The following RNF214 variants were observed in gnomAD, a reference collection of about 807,000 sequenced individuals.
The protein encoded by RNF214 is ring finger protein 214.
Under a neutral mutation model 75.9 loss-of-function variants are expected in RNF214, and 25 were observed. That is an observed-to-expected ratio of 0.33 (90% confidence interval 0.24 to 0.46). The LOEUF is 0.46. RNF214 is among the 20% of genes least tolerant of loss of function. The pLI is 1.00. For missense variants in RNF214, 725 were observed against 857.5 expected, an observed-to-expected ratio of 0.85 and a Z score of 1.93; for synonymous variants, 314 against 308.8, an observed-to-expected ratio of 1.02 and a Z score of -0.18.
intron 6 of RNF214, among the ~76,000 whole-genome samples, chr11:117,262,240 C>G (rs1264939425): frequency 6.6e-6 from 1 of 151,944 alleles, no homozygotes; most frequent in Non-Finnish European, 1.5e-5. Flanking sequence ...GCACCCGCCA[C>G]CACGCCCGGC....
At chr11:117,245,104 G>T (rs1285900337) in intron 5 of RNF214, among the ~76,000 whole-genome samples, 1 of 151,044 alleles carries the variant, frequency 6.6e-6, no homozygotes. Context: ...GGATCAGTTG[G>T]GTCCAGGAGT....
Position 117,281,710 on chromosome 11 carries a change from G to A in RNF214, c.1335+12G>A. On this transcript the variant is annotated intron_variant, in intron 10 of 14. Coordinates refer to ENST00000300650, the MANE Select transcript of RNF214 (RefSeq NM_207343.4). ...CACCCCCATCAGAGGTAAGAGAGTG[G>A]CTTTGGGGGGAAGTTCACCTTTCTG... 6.3e-7 allele frequency: 1 copy of A among 1,597,454 alleles called. No homozygotes were observed. The highest frequency in any genetic ancestry group is 8.6e-7 in the Non-Finnish European group (1 of 1,165,154).
intron 6 of RNF214, among the ~76,000 whole-genome samples, chr11:117,260,567 G>A (rs561401157): frequency 1.7e-4 from 25 of 150,438 alleles, no homozygotes; most frequent in Non-Finnish European, 8.9e-5. Flanking sequence ...CAGCACTTTG[G>A]GAGGTCAAAT....
intron 7 of RNF214, 51 bp from the exon 8 acceptor site, chr11:117,280,120 C>T: frequency 6.5e-7 from 1 of 1,527,054 alleles, no homozygotes; most frequent in African/African-American, 1.4e-5. Context: ...CTAGAGGTAC[C>T]TTTGTGTATG....
chr11:117,253,505 C>T (rs1254017368), intron 6 of RNF214, among the ~76,000 whole-genome samples: 4 of 152,134 alleles, frequency 2.6e-5, no homozygotes, highest in Admixed American at 2.6e-4. Flanking sequence ...CCTGTTAGTG[C>T]TCTTCCAGTG....
intron 6 of RNF214, among the ~76,000 whole-genome samples, chr11:117,272,312 A>G (rs868152659): frequency 6.6e-6 from 1 of 152,180 alleles, no homozygotes; most frequent in Non-Finnish European, 1.5e-5. Context: ...GTGTGTTAAT[A>G]TGGTTTAAGG....
chr11:117,239,654 C>T (rs1591817378), intron 3 of RNF214, 147 bp from the exon 4 acceptor site: 1 of 644,798 alleles, frequency 1.6e-6, no homozygotes, highest in East Asian at 2.8e-5. Context: ...GTCCGTTTGC[C>T]AGAACTACAT....
chr11:117,252,751 A>T lies in RNF214; in HGVS notation c.959+5803A>T, dbSNP rs1292861463. Among the ~76,000 whole-genome samples the T allele has an allele frequency of 2.6e-5, 4 of 151,218 alleles. No individual in the cohort carries two copies. In the East Asian group the frequency reaches 7.9e-4, roughly 30 times the overall value. ...TAGCCAGGATGGTCTCGCTCTCCTGACCTCCTGTTCCGCCCGCCTTGGCCT... is the reference window on the plus strand; with the variant it reads ...TAGCCAGGATGGTCTCGCTCTCCTGTCCTCCTGTTCCGCCCGCCTTGGCCT... On this transcript the variant is annotated intron_variant, in intron 6 of 14. Coordinates refer to ENST00000300650, the MANE Select transcript of RNF214 (RefSeq NM_207343.4).
chr11:117,281,493 T>C, intron 9 of RNF214, 89 bp downstream of exon 9: 4 of 1,371,802 alleles, frequency 2.9e-6, no homozygotes, highest in Non-Finnish European at 4.2e-6. Flanking sequence ...GCATTGCCAT[T>C]TGGGGCCTAT....
At chr11:117,234,238 T>C (rs1441316065) in intron 1 of RNF214, 29 bp from the exon 2 acceptor site, 1 of 1,521,534 alleles carries the variant, frequency 6.6e-7, no homozygotes, top group Non-Finnish European at 9.1e-7. Flanking sequence ...TGGAAACTTG[T>C]AGCCTGTAAT....
At chr11:117,282,356 C>G (rs746228922) in intron 11 of RNF214, 48 bp from the exon 12 acceptor site, 1 of 1,602,758 alleles carries the variant, frequency 6.2e-7, no homozygotes, top group East Asian at 2.2e-5. Context: ...GGGTGTTCCC[C>G]GTGGGTATAG....
chr11:117,256,850 G>A (rs2033538024), intron 6 of RNF214, among the ~76,000 whole-genome samples: 2 of 152,152 alleles, frequency 1.3e-5, no homozygotes, highest in African/African-American at 4.8e-5. Flanking sequence ...TGCTACTACA[G>A]CAAGTAGCAC....
intron 6 of RNF214, among the ~76,000 whole-genome samples, chr11:117,263,569 C>A (rs760240028): frequency 6.6e-6 from 1 of 152,072 alleles, no homozygotes; most frequent in African/African-American, 2.4e-5. Context: ...CCACCGCACC[C>A]AGCAGAAAAA....
chr11:117,281,735 G>T lies in RNF214; in HGVS notation c.1335+37G>T, dbSNP rs763845597. On this transcript the variant is annotated intron_variant, in intron 10 of 14. Transcript: ENST00000300650. ...GCTTTGGGGGGAAGTTCACCTTTCTGTGTTGGTAGCAGCAGCAGAGTCTTC... is the reference window on the plus strand; with the variant it reads ...GCTTTGGGGGGAAGTTCACCTTTCTTTGTTGGTAGCAGCAGCAGAGTCTTC... 2.6e-5 allele frequency: 41 copies of T among 1,556,022 alleles called. No individual in the cohort carries two copies. The African/African-American group carries it at 4.9e-4, about 19-fold the overall frequency.
intron 6 of RNF214, 137 bp from the exon 7 acceptor site, chr11:117,279,771 T>C: frequency 1.0e-5 from 6 of 573,560 alleles, no homozygotes; most frequent in Non-Finnish European, 1.2e-5. Context: ...GAAAGAAAAA[T>C]AAGTATAGTT....
Position 117,281,417 on chromosome 11 carries a change from A to C in RNF214, c.1236+13A>C. ...AAAGAATGTTCGTGTAAGTGTATCT[A>C]TGAGTCATCATTCAGTCAGTGTTAG... On this transcript the variant is annotated intron_variant, in intron 9 of 14. Transcript: ENST00000300650. 1 of 1,584,652 alleles carries C rather than the reference A, an allele frequency of 6.3e-7. No individual in the cohort carries two copies. Among genetic ancestry groups the C allele is most frequent in the Non-Finnish European group, 8.7e-7 (1 of 1,153,316 alleles).
In RNF214 at chr11:117,273,365, T is replaced by A. The variant is rs181232561; in HGVS notation, c.960-6543T>A. 1.3e-3 allele frequency among the ~76,000 whole-genome samples: 204 copies of A among 151,954 alleles called. 1 individual carries two copies. The highest frequency in any genetic ancestry group is 4.7e-3 in the African/African-American group (197 of 41,482). On this transcript the variant is annotated intron_variant, in intron 6 of 14. Coordinates refer to ENST00000300650, the MANE Select transcript of RNF214 (RefSeq NM_207343.4). ...GCTTTTATTTTCAAATTTGTTTTAT[T>A]ATTATTATTATTATTTTAGTTTTAT...
chr11:117,237,746 A>G (rs1340925424), intron 2 of RNF214, among the ~76,000 whole-genome samples: 5 of 152,210 alleles, frequency 3.3e-5, no homozygotes, highest in Non-Finnish European at 7.3e-5. Context: ...AAGCATATGT[A>G]TACTTACTGT....
At chr11:117,239,723 G>A (rs1029684387) in intron 3 of RNF214, 78 bp from the exon 4 acceptor site, 5 of 789,740 alleles carry the variant, frequency 6.3e-6, no homozygotes, top group African/African-American at 3.4e-5. Context: ...TACCTGTGGC[G>A]GAATTCTAGG....
Sources: allele counts gnomAD v4.1 joint callset (sites outside exome capture counted in the v4.1 genomes callset), GRCh38; gene constraint gnomAD v4.1.1; transcripts MANE v1.5; gene names NCBI Gene and HGNC (gene_info 2026-07-23, HGNC 2026-07-21).